The following REV3L variants were observed in gnomAD, a reference collection of about 807,000 sequenced individuals.
REV3L encodes the protein REV3 like, DNA directed polymerase zeta catalytic subunit.
A neutral mutation model predicts 299.4 loss-of-function variants in REV3L; 69 were observed. The observed-to-expected ratio is 0.23, with a 90% CI of 0.19 to 0.28. The LOEUF (loss-of-function observed/expected upper bound fraction) is 0.28, where lower values mean the gene tolerates loss of function less well. REV3L is among the 10% of genes least tolerant of loss of function. The pLI is 1.00. For synonymous variants in REV3L, 1,238 were observed against 1,271.4 expected (o/e 0.97, Z 0.56); for missense variants, 3,128 against 3,693.8 (o/e 0.85, Z 3.97).
chr6:111,431,402 C>T (rs1193676167), intron 1 of REV3L: 2 of 981,876 alleles, frequency 2.0e-6, no homozygotes, highest in East Asian at 2.4e-5. Flanking sequence ...CAGTAACAAA[C>T]TTTGGCGTTC....
chr6:111,333,915 A>T (rs1775652871), intron 22 of REV3L, among the ~76,000 whole-genome samples: 1 of 152,184 alleles, frequency 6.6e-6, no homozygotes, highest in African/African-American at 2.4e-5. Context: ...AGACAGATGC[A>T]ATTAGATCTC....
At chr6:111,386,835 C>A (rs1235311719) in intron 9 of REV3L, among the ~76,000 whole-genome samples, 1 of 150,940 alleles carries the variant, frequency 6.6e-6, no homozygotes, top group Non-Finnish European at 1.5e-5. Flanking sequence ...CATTCTCCTG[C>A]CTCAGCCTCC....
rs17539190 is a variant in REV3L, at chr6:111,447,975, AT to A, written c.140-31504del. Among the ~76,000 whole-genome samples the A allele has an allele frequency of 1.7e-4, 26 of 152,286 alleles. No individual in the cohort carries two copies. In the East Asian group the frequency reaches 2.7e-3, roughly 16 times the overall value. On this transcript the variant is annotated intron_variant, in intron 1 of 31. Coordinates refer to ENST00000368802, the MANE Select transcript of REV3L (RefSeq NM_001372078.1). ...CCCCACACAAAATCCTTACTTTAAA[AT>A]TTTTTTAATTAAAAATTTTACTTTA...
In REV3L at chr6:111,333,380, A is replaced by C; in HGVS notation, c.7681-13T>G. ...ATTCCACACGGTACTGCAGGGAGAA[A>C]GGGAGGTGAGAAGAGAAGAAACACA... On this transcript the variant is annotated splice_polypyrimidine_tract_variant and intron_variant, in intron 22 of 31. Transcript: ENST00000368802. 6.2e-7 allele frequency: 1 copy of C among 1,612,318 alleles called. No individual in the cohort carries two copies. Among genetic ancestry groups the C allele is most frequent in the Admixed American group, 1.7e-5 (1 of 59,984 alleles).
chr6:111,374,685 T>A lies in REV3L; in HGVS notation c.3670A>T (p.Thr1224Ser). 1 of 1,613,504 alleles carries A rather than the reference T, an allele frequency of 6.2e-7. No individual in the cohort carries two copies. Among genetic ancestry groups the A allele is most frequent in the Non-Finnish European group, 8.5e-7 (1 of 1,179,902 alleles). ...TTTATTTTTTCATCCTTAAGTGTTG[T>A]ATGCTTTCTCGATGTACCTTTCTCA... ...TNEKGTSRKH[T>S]TLKDEKIKSQ... The change falls in exon 13 of 32, where the codon ACA becomes TCA. Residue 1224 changes from threonine (T) to serine (S), a missense_variant. By Grantham distance (58) the Thr-to-Ser change is moderately conservative. This residue lies in a region of REV3L where 2,409 missense variants were observed against 2,611.8 expected (regional missense o/e 0.92). Coordinates refer to ENST00000368802, the MANE Select transcript of REV3L (RefSeq NM_001372078.1).
At chr6:111,458,243 C>T (rs1790369968) in intron 1 of REV3L, among the ~76,000 whole-genome samples, 1 of 152,008 alleles carries the variant, frequency 6.6e-6, no homozygotes, top group South Asian at 2.1e-4. Flanking sequence ...ATCCAACATC[C>T]CTTCATGATA....
At chr6:111,353,274 T>C (rs1020545108) in intron 18 of REV3L, among the ~76,000 whole-genome samples, 1 of 152,238 alleles carries the variant, frequency 6.6e-6, no homozygotes, top group Non-Finnish European at 1.5e-5. Flanking sequence ...AATATGTTAA[T>C]ATTTTATCAT....
intron 18 of REV3L, among the ~76,000 whole-genome samples, chr6:111,352,851 T>C (rs1777715171): frequency 6.6e-6 from 1 of 152,176 alleles, no homozygotes; most frequent in African/African-American, 2.4e-5. Flanking sequence ...TGGCTCCTCT[T>C]AGAACCTCCA....
At chr6:111,361,075 T>C (rs550301808) in intron 16 of REV3L, among the ~76,000 whole-genome samples, 115 of 152,136 alleles carry the variant, frequency 7.6e-4, no homozygotes, top group African/African-American at 2.7e-3. Flanking sequence ...AAACAACCAG[T>C]TTCATTAGAA....
intron 4 of REV3L, among the ~76,000 whole-genome samples, chr6:111,404,968 C>T (rs973356992): frequency 6.6e-5 from 10 of 152,076 alleles, no homozygotes; most frequent in African/African-American, 1.9e-4. Flanking sequence ...GAGACCAACA[C>T]GTCCACTAAC....
chr6:111,303,496 A>G (rs1771848726), intron 31 of REV3L, among the ~76,000 whole-genome samples: 1 of 151,270 alleles, frequency 6.6e-6, no homozygotes, highest in South Asian at 2.1e-4. Context: ...CCTCCCAAGT[A>G]GCTGGGATTA....
chr6:111,416,616 A>C, intron 1 of REV3L, 144 bp from the exon 2 acceptor site: 1 of 622,120 alleles, frequency 1.6e-6, no homozygotes, highest in East Asian at 2.7e-5. Flanking sequence ...AGTTCAAAGT[A>C]ACCAGTATTA....
intron 9 of REV3L, among the ~76,000 whole-genome samples, chr6:111,383,673 T>C (rs1407361563): frequency 1.3e-5 from 2 of 152,134 alleles, no homozygotes; most frequent in East Asian, 3.9e-4. Context: ...TGATAAAATG[T>C]CCATGCCTAC....
intron 26 of REV3L, among the ~76,000 whole-genome samples, chr6:111,318,236 T>TGC (rs1773747774): frequency 1.3e-5 from 2 of 151,806 alleles, no homozygotes; most frequent in Admixed American, 1.3e-4. Flanking sequence ...TACAGGGGCC[T>TGC]ACCACCACGC....
rs1451154216 is a variant in REV3L, at chr6:111,299,413, A to G, written c.*603T>C. ...AAGACAGCATTTTTTAAAAAAAAATAATGTTTCAAAATGCTACACGTGGTA... is the reference window on the plus strand; with the variant it reads ...AAGACAGCATTTTTTAAAAAAAAATGATGTTTCAAAATGCTACACGTGGTA... On this transcript the variant is annotated 3_prime_UTR_variant, in exon 32 of 32. Coordinates refer to ENST00000368802, the MANE Select transcript of REV3L (RefSeq NM_001372078.1). 1 of 149,976 alleles carries G rather than the reference A, an allele frequency of 6.7e-6. No homozygotes were observed. The highest frequency in any genetic ancestry group is 2.0e-4 in the East Asian group (1 of 5,090). 9.3% of individuals were successfully genotyped at this position (149,976 alleles called of 1,614,324 possible). A position where few individuals can be genotyped will look rare whatever the true frequency, so the allele number is the denominator to read the frequency against.
At chr6:111,342,243 T>C (rs1199576109) in intron 21 of REV3L, among the ~76,000 whole-genome samples, 3 of 151,736 alleles carry the variant, frequency 2.0e-5, no homozygotes, top group South Asian at 4.2e-4. Context: ...GAGAAAGGAG[T>C]AGAAGAAAAT....
At chr6:111,354,809 A>T (rs1055676327) in intron 18 of REV3L, among the ~76,000 whole-genome samples, 29 of 152,210 alleles carry the variant, frequency 1.9e-4, no homozygotes, top group African/African-American at 7.0e-4. Context: ...GAAGCAGAAG[A>T]AATAGGTAAA....
chr6:111,420,917 G>T (rs1347876663), intron 1 of REV3L, among the ~76,000 whole-genome samples: 3 of 152,144 alleles, frequency 2.0e-5, no homozygotes, highest in Non-Finnish European at 4.4e-5. Context: ...GAGGCAGGTA[G>T]ATCACGAGGT....
chr6:111,333,450 T>A lies in REV3L; in HGVS notation c.7681-83A>T. 3 of 1,509,676 alleles carry A rather than the reference T, an allele frequency of 2.0e-6. No individual in the cohort carries two copies. The South Asian group carries it at 3.8e-5, about 19-fold the overall frequency. The allele number at this position is 1,509,676 out of a possible 1,614,324, so 93.5% of individuals were successfully genotyped here. A position where few individuals can be genotyped will look rare whatever the true frequency, so the allele number is the denominator to read the frequency against. ...TGAATATATAATCATTTGAGGATAA[T>A]CTGCTTTTCAGAATAAGATTGTATG... On this transcript the variant is annotated intron_variant, in intron 22 of 31. Transcript: ENST00000368802.
Sources: gnomAD v4.1 joint callset for allele counts (sites outside exome capture counted in the v4.1 genomes callset) on GRCh38, gnomAD v4.1.1 for gene constraint, gnomAD v4.1.1 regional missense constraint, MANE v1.5 for transcripts, NCBI Gene and HGNC (gene_info 2026-07-23, HGNC 2026-07-21) for gene names.